ST8SIA5: variants seen among roughly 807,000 people sequenced by gnomAD.
ST8SIA5 encodes alpha-2,8-sialyltransferase 8E.
A neutral mutation model predicts 40.2 loss-of-function variants in ST8SIA5; 24 were observed. The ratio of observed to expected loss-of-function variants is 0.60; its 90% confidence interval spans 0.43 to 0.84. The LOEUF (loss-of-function observed/expected upper bound fraction) is 0.84. Among genes scored for constraint, ST8SIA5 ranks in the 40% least tolerant of loss-of-function variants. The probability of loss-of-function intolerance (pLI) is 0.00; values close to 1 mark genes in which losing one functional copy is unlikely to be tolerated. For synonymous variants in ST8SIA5, 198 were observed against 201.8 expected, an observed-to-expected ratio of 0.98 and a Z score of 0.16; for missense variants, 465 against 498.5, an observed-to-expected ratio of 0.93 and a Z score of 0.64.
intron 3 of ST8SIA5, among the ~76,000 whole-genome samples, chr18:46,689,483 C>T (rs1057046067): frequency 1.3e-5 from 2 of 152,100 alleles, no homozygotes; most frequent in Non-Finnish European, 2.9e-5. Flanking sequence ...TCTCTCTGGG[C>T]CCTAGTTTCC....
Position 46,669,714 on chromosome 18 carries a change from C to T in ST8SIA5, c.*10328G>A, listed in dbSNP as rs57266350. The stretch of plus-strand genomic sequence containing the variant: ...GGGGCTTGTCCCCCCACCACCTGCC[C>T]TTTTTTCTTAGGAGAGAGGTAGCAG... On this transcript the variant is annotated 3_prime_UTR_variant, in exon 7 of 7. Transcript: ENST00000315087. The T allele has an allele frequency of 0.072, 10,932 of 152,144 alleles. 588 individuals are homozygous for T. Among genetic ancestry groups the T allele is most frequent in the East Asian group, 0.33 (1,701 of 5,116 alleles). The allele number at this position is 152,144 out of a possible 1,614,324, so 9.4% of individuals were successfully genotyped here.
chr18:46,682,046 G>A lies in ST8SIA5; in HGVS notation c.588C>T (p.Ile196=), dbSNP rs1231191006. 6.2e-7 allele frequency: 1 copy of A among 1,608,934 alleles called. No individual in the cohort carries two copies. The highest frequency in any genetic ancestry group is 1.3e-5 in the African/African-American group (1 of 74,718). The stretch of plus-strand genomic sequence containing the variant: ...CCACATCCATGGTGTACTTCTCTGA[G>A]ATGGGGGGCAGGTTGCACCTGCAGA... ...DFVFRCNLPP[I]SEKYTMDVGV... is the part of the protein sequence containing the mutation. The change falls in exon 6 of 7, where the codon ATC becomes ATT. Residue 196 remains isoleucine, a synonymous_variant. Coordinates refer to ENST00000315087, the MANE Select transcript of ST8SIA5 (RefSeq NM_013305.6).
chr18:46,694,564 C>T (rs9965993), intron 2 of ST8SIA5, among the ~76,000 whole-genome samples: 3,449 of 152,230 alleles, frequency 0.023, 111 homozygotes, highest in African/African-American at 0.069. Context: ...CACTAAGAAG[C>T]TCATTAGTCT....
At chr18:46,742,096 A>C (rs2040091783) in intron 1 of ST8SIA5, among the ~76,000 whole-genome samples, 1 of 151,532 alleles carries the variant, frequency 6.6e-6, no homozygotes, top group South Asian at 2.1e-4. Context: ...GCGACGCTCC[A>C]TGTAAAAAAT....
At chr18:46,696,449 G>A (rs149754069) in intron 2 of ST8SIA5, among the ~76,000 whole-genome samples, 1 of 152,282 alleles carries the variant, frequency 6.6e-6, no homozygotes, top group East Asian at 1.9e-4. Flanking sequence ...ACCAGCGTCT[G>A]GGCCCTACTC....
intron 1 of ST8SIA5, among the ~76,000 whole-genome samples, chr18:46,723,824 G>A (rs1031558246): frequency 1.3e-5 from 2 of 152,088 alleles, no homozygotes; most frequent in Non-Finnish European, 2.9e-5. Flanking sequence ...TACTCAGAAG[G>A]CTGAGGCATG....
chr18:46,728,865 C>T (rs1040940782), intron 1 of ST8SIA5, among the ~76,000 whole-genome samples: 1 of 152,146 alleles, frequency 6.6e-6, no homozygotes, highest in Non-Finnish European at 1.5e-5. Context: ...TGAACACTGC[C>T]ATCAGAGTGA....
At chr18:46,710,435 CTT>C (rs1235278305) in intron 1 of ST8SIA5, among the ~76,000 whole-genome samples, 3 of 140,034 alleles carry the variant, frequency 2.1e-5, no homozygotes, top group Non-Finnish European at 4.7e-5. Flanking sequence ...CTCTCTCTTT[CTT>C]TTTCTTTTTC....
chr18:46,698,200 C>T (rs1279992697), intron 2 of ST8SIA5, among the ~76,000 whole-genome samples: 2 of 150,882 alleles, frequency 1.3e-5, no homozygotes, highest in African/African-American at 4.9e-5. Context: ...CTCATCACAC[C>T]AACAATCAAA....
At chr18:46,697,736 G>A (rs2039570672) in intron 2 of ST8SIA5, among the ~76,000 whole-genome samples, 1 of 151,836 alleles carries the variant, frequency 6.6e-6, no homozygotes, top group African/African-American at 2.4e-5. Flanking sequence ...AGTACTAGAG[G>A]TACAATCCAG....
At chr18:46,732,875 T>G (rs1002884243) in intron 1 of ST8SIA5, among the ~76,000 whole-genome samples, 3 of 98,404 alleles carry the variant, frequency 3.0e-5, no homozygotes, top group African/African-American at 1.3e-4. Flanking sequence ...GGGGGGCCAG[T>G]GCCTCTGGGT....
rs372697182 is a variant in ST8SIA5 at position 46,686,191 on chromosome 18, G to A, written c.552C>T (p.Ser184=). 4.2e-5 allele frequency: 68 copies of A among 1,614,166 alleles called. No homozygotes were observed. Among genetic ancestry groups the A allele is most frequent in the African/African-American group, 2.3e-4 (17 of 75,036 alleles). The change falls in exon 5 of 7, where the codon AGC becomes AGT. Residue 184 remains serine (S), a synonymous_variant. Transcript: ENST00000315087. ...KNSRCGREIN[S]ADFVFRCNLP... ...TCTTTTACCGGAAGACGAAGTCGGC[G>A]CTGTTGATCTCCCTCCCGCAGCGGC...
chr18:46,733,810 G>C (rs2040008129), intron 1 of ST8SIA5, among the ~76,000 whole-genome samples: 1 of 152,168 alleles, frequency 6.6e-6, no homozygotes, highest in Non-Finnish European at 1.5e-5. Flanking sequence ...GGCCAAGTGA[G>C]CCAGGGGCAG....
In ST8SIA5 at chr18:46,677,494, T is replaced by C. The variant is rs1341915475; in HGVS notation, c.*2548A>G. ...AAATGCTAGCTAGTATAATGAGAAA[T>C]ATTAATTATGGTTTAGATCCATTCA... On this transcript the variant is annotated 3_prime_UTR_variant, in exon 7 of 7. Coordinates refer to ENST00000315087, the MANE Select transcript of ST8SIA5 (RefSeq NM_013305.6). 4 of 152,186 alleles carry C rather than the reference T, an allele frequency of 2.6e-5. No homozygotes were observed. In the East Asian group the frequency reaches 7.7e-4, roughly 29 times the overall value. The allele number at this position is 152,186 out of a possible 1,614,324, so 9.4% of individuals were successfully genotyped here.
At chr18:46,717,094 C>T (rs1449205426) in intron 1 of ST8SIA5, among the ~76,000 whole-genome samples, 3 of 152,220 alleles carry the variant, frequency 2.0e-5, no homozygotes, top group Non-Finnish European at 4.4e-5. Context: ...TGCAACACTG[C>T]CCACCCTACA....
Position 46,682,013 on chromosome 18 carries a change from C to G in ST8SIA5, c.621G>C (p.Lys207Asn). The change falls in exon 6 of 7, where the codon AAG becomes AAC. Residue 207 changes from lysine (K) to asparagine (N), a missense_variant. Physicochemically the swap from Lys to Asn is moderately conservative, Grantham distance 94. Transcript: ENST00000315087. ...SEKYTMDVGV[K>N]TDVVTVNPSI... ...TGGGGTTCACAGTGACCACATCCGT[C>G]TTCACCCCCACATCCATGGTGTACT... The G allele has an allele frequency of 6.2e-7, 1 of 1,613,788 alleles. No homozygotes were observed. The highest frequency in any genetic ancestry group is 8.5e-7 in the Non-Finnish European group (1 of 1,179,902).
Position 46,678,780 on chromosome 18 carries a change from A to G in ST8SIA5, c.*1262T>C, listed in dbSNP as rs2039356880. ...TAACATCCTATGATTCCACAAAGCT[A>G]AGTTCTAAGGCAGTTAGTTCACCAA... On this transcript the variant is annotated 3_prime_UTR_variant, in exon 7 of 7. Coordinates refer to ENST00000315087, the MANE Select transcript of ST8SIA5 (RefSeq NM_013305.6). The G allele has an allele frequency of 6.6e-6, 1 of 152,248 alleles. No homozygotes were observed. Among genetic ancestry groups the G allele is most frequent in the Non-Finnish European group, 1.5e-5 (1 of 68,052 alleles). The allele number at this position is 152,248 out of a possible 1,614,324, so 9.4% of individuals were successfully genotyped here.
chr18:46,735,561 G>A (rs2040025836), intron 1 of ST8SIA5, among the ~76,000 whole-genome samples: 1 of 152,190 alleles, frequency 6.6e-6, no homozygotes, highest in South Asian at 2.1e-4. Context: ...AATGAGAATT[G>A]ATGGATTGTA....
intron 1 of ST8SIA5, among the ~76,000 whole-genome samples, chr18:46,738,830 T>C (rs1044645072): frequency 6.6e-6 from 1 of 152,026 alleles, no homozygotes; most frequent in Admixed American, 6.6e-5. Context: ...AATATACACA[T>C]GTAGGCAGCA....
Sources: allele counts gnomAD v4.1 joint callset (sites outside exome capture counted in the v4.1 genomes callset), GRCh38; gene constraint gnomAD v4.1.1; transcripts MANE v1.5; gene names NCBI Gene and HGNC (gene_info 2026-07-23, HGNC 2026-07-21).